The following MAGI2 variants were observed in gnomAD, a reference collection of about 807,000 sequenced individuals.
MAGI2 encodes membrane-associated guanylate kinase, WW and PDZ domain-containing protein 2.
In MAGI2, 35 loss-of-function variants were observed where a neutral mutation model predicts 133.3. That is an observed-to-expected ratio of 0.26 (90% CI 0.20 to 0.35). The LOEUF (loss-of-function observed/expected upper bound fraction) is 0.35, where lower values mean the gene tolerates loss of function less well. Among genes scored for constraint, MAGI2 ranks in the 10% least tolerant of loss-of-function variants. MAGI2 has a pLI of 1.00. For missense variants in MAGI2, 1,636 were observed against 1,863.4 expected, an observed-to-expected ratio of 0.88 and a Z score of 2.25; for synonymous variants, 729 against 710.6, an observed-to-expected ratio of 1.03 and a Z score of -0.41.
intron 1 of MAGI2, among the ~76,000 whole-genome samples, chr7:79,219,171 A>G (rs1345959700): frequency 6.6e-6 from 1 of 152,052 alleles, no homozygotes; most frequent in Admixed American, 6.5e-5. Flanking sequence ...TTTAATATTT[A>G]TCATTATTAT....
At chr7:78,728,540 C>CTTTTTTTT (rs71085560) in intron 2 of MAGI2, among the ~76,000 whole-genome samples, 4 of 60,112 alleles carry the variant, frequency 6.7e-5, no homozygotes, top group African/African-American at 2.2e-4. Context: ...TTTCTCTGAT[C>CTTTTTTTT]TTTTTTTTTT....
chr7:79,403,525 T>C (rs981436467), intron 1 of MAGI2, among the ~76,000 whole-genome samples: 2 of 152,002 alleles, frequency 1.3e-5, no homozygotes, highest in Non-Finnish European at 2.9e-5. Flanking sequence ...ATATTTTAGG[T>C]GCAAAAAAAT....
chr7:78,882,982 A>G (rs979329718), intron 2 of MAGI2, among the ~76,000 whole-genome samples: 1 of 152,186 alleles, frequency 6.6e-6, no homozygotes, highest in African/African-American at 2.4e-5. Flanking sequence ...CTTCTATTCA[A>G]TGTAGTATTG....
intron 6 of MAGI2, among the ~76,000 whole-genome samples, chr7:78,371,924 G>A (rs575015873): frequency 5.3e-5 from 8 of 152,150 alleles, no homozygotes; most frequent in African/African-American, 1.9e-4. Flanking sequence ...CTTTCTGTTA[G>A]AAAGAGCACC....
At chr7:78,362,952 T>TC (rs1792981104) in intron 7 of MAGI2, among the ~76,000 whole-genome samples, 1 of 152,196 alleles carries the variant, frequency 6.6e-6, no homozygotes, top group Non-Finnish European at 1.5e-5. Context: ...GATTTGATCT[T>TC]CTCCTTTGTA....
At position 79,441,524 on chromosome 7, in the gene MAGI2, T is replaced by A. The variant is rs549439777; in HGVS notation, c.301+11496A>T. Among the ~76,000 whole-genome samples, 282 of 152,276 alleles carry A rather than the reference T, an allele frequency of 1.9e-3. 3 individuals carry two copies. Among genetic ancestry groups the A allele is most frequent in the African/African-American group, 6.6e-3 (274 of 41,564 alleles). Reference sequence around the variant, plus strand: ...TAGCAAATATATTAAATTTATACAGTTTTATATTTCATTTATAGTATATAT... The same window carrying A: ...TAGCAAATATATTAAATTTATACAGATTTATATTTCATTTATAGTATATAT... On this transcript the variant is annotated intron_variant, in intron 1 of 21. Coordinates refer to ENST00000354212, the MANE Select transcript of MAGI2 (RefSeq NM_012301.4).
intron 1 of MAGI2, among the ~76,000 whole-genome samples, chr7:79,321,944 G>A (rs559796082): frequency 3.6e-4 from 55 of 152,198 alleles, no homozygotes; most frequent in African/African-American, 9.9e-4. Flanking sequence ...AGCCTTACTC[G>A]AATGCAAGTC....
chr7:78,593,189 G>A (rs899833804), intron 3 of MAGI2, among the ~76,000 whole-genome samples: 1 of 151,122 alleles, frequency 6.6e-6, no homozygotes, highest in Admixed American at 6.6e-5. Flanking sequence ...TCAGGAGATC[G>A]AGACCATCCT....
intron 10 of MAGI2, among the ~76,000 whole-genome samples, chr7:78,243,334 T>C (rs1791395612): frequency 6.6e-6 from 1 of 151,936 alleles, no homozygotes; most frequent in Admixed American, 6.6e-5. Flanking sequence ...GGGTAAACCG[T>C]ATATGGTGTT....
At chr7:79,191,806 A>G (rs1018384027) in intron 1 of MAGI2, among the ~76,000 whole-genome samples, 1 of 151,678 alleles carries the variant, frequency 6.6e-6, no homozygotes, top group Non-Finnish European at 1.5e-5. Flanking sequence ...ATGCCCTTTT[A>G]AAATTTTGCT....
intron 3 of MAGI2, among the ~76,000 whole-genome samples, chr7:78,544,850 A>AAAAATT (rs1030011222): frequency 4.6e-5 from 7 of 152,082 alleles, no homozygotes; most frequent in African/African-American, 1.7e-4. Flanking sequence ...AAATAAAAAT[A>AAAAATT]AAAATAAAAA....
At chr7:79,398,497 C>T (rs1479456261) in intron 1 of MAGI2, among the ~76,000 whole-genome samples, 2 of 152,150 alleles carry the variant, frequency 1.3e-5, no homozygotes, top group Admixed American at 6.5e-5. Flanking sequence ...CCTGTGATTT[C>T]CTGGATAAAA....
At chr7:78,963,009 T>C (rs1802982058) in intron 2 of MAGI2, among the ~76,000 whole-genome samples, 1 of 152,136 alleles carries the variant, frequency 6.6e-6, no homozygotes, top group Admixed American at 6.6e-5. Context: ...TTAAGTATTT[T>C]TGGGCATAGA....
intron 3 of MAGI2, among the ~76,000 whole-genome samples, chr7:78,593,827 TA>T (rs1804305701): frequency 6.6e-6 from 1 of 152,212 alleles, no homozygotes; most frequent in Admixed American, 6.5e-5. Context: ...TCCATTTGAC[TA>T]AAAATTGTCC....
chr7:79,209,902 A>C (rs1345666797), intron 1 of MAGI2, among the ~76,000 whole-genome samples: 1 of 152,022 alleles, frequency 6.6e-6, no homozygotes, highest in Non-Finnish European at 1.5e-5. Context: ...ATATAGAATA[A>C]GTGTCTGGGT....
chr7:78,386,356 A>G (rs1009838406), intron 6 of MAGI2, among the ~76,000 whole-genome samples: 1 of 152,174 alleles, frequency 6.6e-6, no homozygotes, highest in Non-Finnish European at 1.5e-5. Context: ...AGGAACATGG[A>G]AAAAGCTGTG....
intron 3 of MAGI2, among the ~76,000 whole-genome samples, chr7:78,570,622 A>G (rs1212433613): frequency 6.6e-6 from 1 of 152,126 alleles, no homozygotes; most frequent in Non-Finnish European, 1.5e-5. Context: ...TTTTCCTCAC[A>G]GAGTATCTTG....
chr7:78,571,769 T>A (rs1801525214), intron 3 of MAGI2, among the ~76,000 whole-genome samples: 3 of 152,162 alleles, frequency 2.0e-5, no homozygotes. Flanking sequence ...ATGATAATTG[T>A]TGATATTAAA....
intron 21 of MAGI2, among the ~76,000 whole-genome samples, chr7:78,032,887 G>A (rs532722823): frequency 1.3e-5 from 2 of 152,244 alleles, no homozygotes; most frequent in South Asian, 4.1e-4. Flanking sequence ...CATGTTCAAG[G>A]AATGACAAGA....
Sources: gnomAD v4.1 joint callset for allele counts (sites outside exome capture counted in the v4.1 genomes callset) on GRCh38, gnomAD v4.1.1 for gene constraint, MANE v1.5 for transcripts, NCBI Gene and HGNC (gene_info 2026-07-23, HGNC 2026-07-21) for gene names.